Variants in CALCR observed in about 807,000 individuals in gnomAD.
The protein encoded by CALCR is calcitonin receptor.
A neutral mutation model predicts 59.5 loss-of-function variants in CALCR; 47 were observed. The observed-to-expected ratio is 0.79, with a 90% CI of 0.63 to 1.01. CALCR has a LOEUF of 1.01. CALCR is among the 50% of genes least tolerant of loss of function. The pLI, the probability that CALCR is intolerant of heterozygous loss-of-function variation, is 0.00. For synonymous variants in CALCR, 213 were observed against 211.3 expected (o/e 1.01, Z -0.07); for missense variants, 566 against 597.1 (o/e 0.95, Z 0.54).
intron 4 of CALCR, among the ~76,000 whole-genome samples, chr7:93,478,926 G>T (rs1205064496): frequency 6.6e-6 from 1 of 151,770 alleles, no homozygotes; most frequent in African/African-American, 2.4e-5. Flanking sequence ...TGGAAGAATA[G>T]TATGGGTTGC....
intron 2 of CALCR, among the ~76,000 whole-genome samples, chr7:93,535,068 T>G (rs1328634961): frequency 6.6e-6 from 1 of 151,682 alleles, no homozygotes; most frequent in African/African-American, 2.4e-5. Context: ...CTCAGTAAAC[T>G]CTATTTCCTC....
At chr7:93,436,967 T>G (rs1799792405) in intron 11 of CALCR, among the ~76,000 whole-genome samples, 1 of 152,138 alleles carries the variant, frequency 6.6e-6, no homozygotes, top group Non-Finnish European at 1.5e-5. Context: ...GGCAGCTCTT[T>G]CAAAATGAGA....
rs1800697749 is a variant in CALCR at position 93,477,727 on chromosome 7, T to C, written c.206-59A>G. On this transcript the variant is annotated intron_variant, in intron 4 of 13. Coordinates refer to ENST00000426151, the MANE Select transcript of CALCR (RefSeq NM_001742.4). ...TTGTGGATTTAACTAAATGAGAAGA[T>C]TGATCCCAAGACGATATTACAAGTA... The C allele has an allele frequency of 7.5e-6, 8 of 1,069,028 alleles. No individual in the cohort carries two copies. The South Asian group carries it at 7.7e-5, about 10-fold the overall frequency. 66.2% of individuals were successfully genotyped at this position (1,069,028 alleles called of 1,614,324 possible).
At chr7:93,569,193 A>G (rs1789942711) in intron 2 of CALCR, among the ~76,000 whole-genome samples, 1 of 151,338 alleles carries the variant, frequency 6.6e-6, no homozygotes, top group South Asian at 2.1e-4. Context: ...TCAATCTAAT[A>G]TGCCTCTTAT....
intron 8 of CALCR, among the ~76,000 whole-genome samples, chr7:93,458,953 C>A (rs957610773): frequency 4.6e-5 from 7 of 152,028 alleles, no homozygotes; most frequent in African/African-American, 1.7e-4. Flanking sequence ...AAAGTGCAGT[C>A]CATTAACAAA....
intron 2 of CALCR, among the ~76,000 whole-genome samples, chr7:93,518,961 T>G (rs1225639254): frequency 6.6e-6 from 1 of 151,886 alleles, no homozygotes; most frequent in African/African-American, 2.4e-5. Context: ...GAGAAAAAAT[T>G]TTTTATCTAA....
chr7:93,507,854 C>A (rs1478432285), intron 2 of CALCR, among the ~76,000 whole-genome samples: 1 of 150,376 alleles, frequency 6.6e-6, no homozygotes, highest in Non-Finnish European at 1.5e-5. Context: ...ACCCGGGAGG[C>A]AGAGCTTGCG....
intron 2 of CALCR, among the ~76,000 whole-genome samples, chr7:93,557,327 T>C: frequency 6.6e-6 from 1 of 151,844 alleles, no homozygotes; most frequent in East Asian, 1.9e-4. Flanking sequence ...TGCAACTTTA[T>C]GTTTTGATAT....
intron 3 of CALCR, among the ~76,000 whole-genome samples, chr7:93,483,273 T>C (rs1800841640): frequency 6.6e-6 from 1 of 151,828 alleles, no homozygotes; most frequent in Middle Eastern, 3.4e-3. Flanking sequence ...AAATAGTTGT[T>C]ATACTGTATT....
chr7:93,517,855 T>G (rs1460372916), intron 2 of CALCR, among the ~76,000 whole-genome samples: 1 of 151,786 alleles, frequency 6.6e-6, no homozygotes, highest in Non-Finnish European at 1.5e-5. Flanking sequence ...TCAATATAAC[T>G]AAACAGAAAA....
Position 93,426,395 on chromosome 7 carries a change from G to T in CALCR, c.1386C>A (p.Ile462=). The change falls in exon 14 of 14, where the codon ATC becomes ATA. Residue 462 remains isoleucine, a synonymous_variant. Transcript: ENST00000426151. ...CTTGCTCTATGATATTCAAAGGGAT[G>T]ATCTCAGCACTCTCCTCGCCTTGGT... ...ANNQGEESAE[I]IPLNIIEQES... is the part of the protein sequence containing the mutation. 2 of 1,612,600 alleles carry T rather than the reference G, an allele frequency of 1.2e-6. No individual in the cohort carries two copies. The highest frequency in any genetic ancestry group is 1.1e-5 in the South Asian group (1 of 91,044).
chr7:93,573,652 G>T, intron 2 of CALCR, among the ~76,000 whole-genome samples: 1 of 152,268 alleles, frequency 6.6e-6, no homozygotes, highest in South Asian at 2.1e-4. Flanking sequence ...TTTGAGAAAA[G>T]GAATTAATTT....
At position 93,426,193 on chromosome 7, in the gene CALCR, T is replaced by G. The variant is rs1349251676; in HGVS notation, c.*163A>C. ...CCTAGACTGTCTCCCAAAGCAACAG[T>G]ACCAAGAATAACTTTCTTCAGATTT... On this transcript the variant is annotated 3_prime_UTR_variant, in exon 14 of 14. Coordinates refer to ENST00000426151, the MANE Select transcript of CALCR (RefSeq NM_001742.4). 3 of 583,300 alleles carry G rather than the reference T, an allele frequency of 5.1e-6. No individual in the cohort carries two copies. Among genetic ancestry groups the G allele is most frequent in the Non-Finnish European group, 6.1e-6 (2 of 328,056 alleles). 36.1% of individuals were successfully genotyped at this position (583,300 alleles called of 1,614,324 possible).
At chr7:93,462,471 G>C (rs116670725) in intron 7 of CALCR, among the ~76,000 whole-genome samples, 1 of 152,082 alleles carries the variant, frequency 6.6e-6, no homozygotes, top group Non-Finnish European at 1.5e-5. Flanking sequence ...CCTCATGCTC[G>C]TTTATACTGA....
At chr7:93,428,807 G>GAAGCTGAT (rs1799588031) in intron 13 of CALCR, among the ~76,000 whole-genome samples, 2 of 147,130 alleles carry the variant, frequency 1.4e-5, no homozygotes, top group South Asian at 4.3e-4. Flanking sequence ...AAAAAAAAAG[G>GAAGCTGAT]AAGCTGATAA....
At chr7:93,534,750 A>G (rs912099859) in intron 2 of CALCR, among the ~76,000 whole-genome samples, 1 of 151,854 alleles carries the variant, frequency 6.6e-6, no homozygotes, top group South Asian at 2.1e-4. Context: ...CAGTCAAATC[A>G]TTGCAGCACA....
intron 2 of CALCR, among the ~76,000 whole-genome samples, chr7:93,493,423 C>T (rs1650000935): frequency 6.6e-6 from 1 of 151,372 alleles, no homozygotes; most frequent in Non-Finnish European, 1.5e-5. Flanking sequence ...TCATTCCAAG[C>T]TTCTAGTCTC....
At chr7:93,540,755 A>G (rs1282601834) in intron 2 of CALCR, among the ~76,000 whole-genome samples, 1 of 63,302 alleles carries the variant, frequency 1.6e-5, no homozygotes, top group Non-Finnish European at 4.7e-5. Flanking sequence ...TATTTATATT[A>G]TATAATATTA....
intron 2 of CALCR, among the ~76,000 whole-genome samples, chr7:93,522,319 T>C (rs1453307865): frequency 6.6e-6 from 1 of 152,208 alleles, no homozygotes; most frequent in Non-Finnish European, 1.5e-5. Context: ...TCAAGATTTA[T>C]CATCATTCAT....
Sources: gnomAD v4.1 joint callset for allele counts (sites outside exome capture counted in the v4.1 genomes callset) on GRCh38, gnomAD v4.1.1 for gene constraint, MANE v1.5 for transcripts, NCBI Gene and HGNC (gene_info 2026-07-23, HGNC 2026-07-21) for gene names.